The following ANK2 variants were observed in gnomAD, a reference collection of about 807,000 sequenced individuals.
ANK2 encodes ankyrin 2, also known as ankyrin-2.
Under a neutral mutation model 360.5 loss-of-function variants are expected in ANK2, and 83 were observed. That is an observed-to-expected ratio of 0.23 (90% CI 0.19 to 0.28). The LOEUF is 0.28. Among genes scored for constraint, ANK2 ranks in the 10% least tolerant of loss-of-function variants. The probability of loss-of-function intolerance (pLI) is 1.00; values close to 1 mark genes in which losing one functional copy is unlikely to be tolerated. For synonymous variants in ANK2, 1,740 were observed against 1,759.5 expected (o/e 0.99, Z 0.28); for missense variants, 4,201 against 4,795.7 (o/e 0.88, Z 3.66).
chr4:113,084,917 C>A (rs1024020869), intron 1 of ANK2, among the ~76,000 whole-genome samples: 5 of 152,192 alleles, frequency 3.3e-5, no homozygotes, highest in African/African-American at 1.2e-4. Context: ...GTGTTCTTAG[C>A]CCCTTTTTGG....
intron 13 of ANK2, among the ~76,000 whole-genome samples, chr4:113,261,301 C>A (rs1465667075): frequency 3.3e-5 from 5 of 152,094 alleles, no homozygotes; most frequent in African/African-American, 1.2e-4. Context: ...CATCAATAAC[C>A]ATAGGAATAG....
chr4:112,855,046 A>G (rs1320908805), intron 1 of ANK2, among the ~76,000 whole-genome samples: 7 of 152,208 alleles, frequency 4.6e-5, no homozygotes, highest in Admixed American at 3.3e-4. Flanking sequence ...TTAGCATCCT[A>G]ATATTCTTTC....
chr4:113,336,888 T>C, intron 31 of ANK2, 107 bp downstream of exon 31: 3 of 1,032,392 alleles, frequency 2.9e-6, no homozygotes, highest in Non-Finnish European at 3.0e-6. Flanking sequence ...GTCATATGCA[T>C]TAATTCAGGG....
chr4:113,159,278 TAA>T (rs1166450619), intron 1 of ANK2, among the ~76,000 whole-genome samples: 1 of 151,916 alleles, frequency 6.6e-6, no homozygotes, highest in East Asian at 1.9e-4. Context: ...AATGTATATG[TAA>T]AATGAAATAT....
intron 10 of ANK2, among the ~76,000 whole-genome samples, chr4:113,251,375 T>G (rs1428638728): frequency 6.6e-6 from 1 of 152,080 alleles, no homozygotes; most frequent in Non-Finnish European, 1.5e-5. Flanking sequence ...ATTATGTTCA[T>G]GTATTCATGC....
chr4:113,110,547 G>C (rs1254593224), intron 1 of ANK2, among the ~76,000 whole-genome samples: 1 of 152,136 alleles, frequency 6.6e-6, no homozygotes, highest in East Asian at 1.9e-4. Context: ...AGTTAAATAT[G>C]ATAGCATCCA....
intron 4 of ANK2, among the ~76,000 whole-genome samples, chr4:113,224,766 A>G (rs939722213): frequency 2.6e-5 from 4 of 152,074 alleles, no homozygotes; most frequent in South Asian, 2.1e-4. Context: ...TGCATCATCT[A>G]TGAAATTACC....
chr4:113,252,526 A>G (rs1223493194), intron 10 of ANK2, among the ~76,000 whole-genome samples: 2 of 152,180 alleles, frequency 1.3e-5, no homozygotes, highest in East Asian at 1.9e-4. Context: ...TGATTAGAGC[A>G]GTAGATAATT....
chr4:113,267,384 T>A (rs1002544352), intron 14 of ANK2, among the ~76,000 whole-genome samples: 26 of 152,338 alleles, frequency 1.7e-4, no homozygotes, highest in African/African-American at 6.0e-4. Context: ...TGGCTTTAGG[T>A]CTTACATTTA....
chr4:112,750,680 C>T, the ANK2 span, among the ~76,000 whole-genome samples: 1 of 152,008 alleles, frequency 6.6e-6, no homozygotes, highest in East Asian at 1.9e-4. Flanking sequence ...ATAGGCAGAG[C>T]AGCCCCAAGG....
chr4:112,902,366 G>A (rs879867537), intron 1 of ANK2, among the ~76,000 whole-genome samples: 3 of 152,230 alleles, frequency 2.0e-5, no homozygotes, highest in Non-Finnish European at 4.4e-5. Context: ...ATTTTCCTAT[G>A]TTCCACATTG....
chr4:113,048,498 C>T (rs368404356), upstream of ANK2, among the ~76,000 whole-genome samples: 30 of 147,666 alleles, frequency 2.0e-4, 1 homozygote, highest in South Asian at 3.2e-3. Flanking sequence ...TGTTGTCGAG[C>T]TCCTCACCTT....
chr4:113,106,094 G>A (rs1052262216), intron 1 of ANK2, among the ~76,000 whole-genome samples: 58 of 151,974 alleles, frequency 3.8e-4, no homozygotes, highest in African/African-American at 1.4e-3. Flanking sequence ...CTATTATATG[G>A]TATGGCTTGA....
Position 113,317,622 on chromosome 4 carries a change from C to G in ANK2, c.2694-85C>G, listed in dbSNP as rs2083595108. On this transcript the variant is annotated intron_variant, in intron 24 of 45. Transcript: ENST00000357077. ...CTGTTAGCTAATAGCACGCTTTTTT[C>G]ACTCTCCTGCTCGGCTCATCATTTT... The G allele has an allele frequency of 1.1e-5, 11 of 1,046,384 alleles. No individual in the cohort carries two copies. The South Asian group carries it at 1.3e-4, about 12-fold the overall frequency. The allele number at this position is 1,046,384 out of a possible 1,614,324, so 64.8% of individuals were successfully genotyped here. A position where few individuals can be genotyped will look rare whatever the true frequency, so the allele number is the denominator to read the frequency against.
chr4:112,725,109 G>C, the ANK2 span, among the ~76,000 whole-genome samples: 1 of 151,834 alleles, frequency 6.6e-6, no homozygotes, highest in South Asian at 2.1e-4. Context: ...GTGAAACCCT[G>C]TCTCTACTAA....
At chr4:112,765,680 A>G in the ANK2 span, among the ~76,000 whole-genome samples, 1 of 122,596 alleles carries the variant, frequency 8.2e-6, no homozygotes, top group Admixed American at 9.5e-5. Flanking sequence ...TTTTCCGTTC[A>G]GGACTTCTGA....
rs753553783 is a variant in ANK2 at position 113,357,674 on chromosome 4, T to C, written c.9056T>C (p.Met3019Thr). The C allele has an allele frequency of 3.1e-6, 5 of 1,614,172 alleles. No homozygotes were observed. The Admixed American group carries it at 5.0e-5, about 16-fold the overall frequency. ...DSVSSSFEPT[M>T]SATTTVVGEQ... Reference sequence around the variant, plus strand: ...GTCTCTTCATCTTTCGAGCCTACTATGTCCGCTACAACAACAGTTGTTGGT... The same window carrying C: ...GTCTCTTCATCTTTCGAGCCTACTACGTCCGCTACAACAACAGTTGTTGGT... The change falls in exon 38 of 46, where the codon ATG becomes ACG. Residue 3019 changes from methionine to threonine, a missense_variant. Physicochemically the swap from Met to Thr is moderately conservative, Grantham distance 81 (BLOSUM62 -1). Around this residue, in one of 4 missense-constraint regions of ANK2, gnomAD observed 2,642 missense variants for 2,714.5 expected, o/e 0.97. Coordinates refer to ENST00000357077, the MANE Select transcript of ANK2 (RefSeq NM_001148.6).
chr4:113,294,132 A>C (rs2069573128), intron 22 of ANK2, among the ~76,000 whole-genome samples: 1 of 152,238 alleles, frequency 6.6e-6, no homozygotes, highest in Non-Finnish European at 1.5e-5. Context: ...TTTTGAATAC[A>C]ACTGCTGACT....
chr4:113,066,992 GA>G (rs2075858319), intron 1 of ANK2, among the ~76,000 whole-genome samples: 1 of 151,986 alleles, frequency 6.6e-6, no homozygotes, highest in South Asian at 2.1e-4. Flanking sequence ...TTTGTGAAGT[GA>G]AAAACAAGCA....
Sources: gnomAD v4.1 joint callset for allele counts (sites outside exome capture counted in the v4.1 genomes callset) on GRCh38, gnomAD v4.1.1 for gene constraint, gnomAD v4.1.1 regional missense constraint, MANE v1.5 for transcripts, NCBI Gene and HGNC (gene_info 2026-07-23, HGNC 2026-07-21) for gene names.